The following NREP variants were observed in gnomAD, a reference collection of about 807,000 sequenced individuals.
The protein encoded by NREP is neuronal regeneration related protein.
NREP carries 5 observed loss-of-function variants against 8.6 expected under a neutral mutation model. The ratio of observed to expected loss-of-function variants is 0.58; its 90% confidence interval spans 0.30 to 1.22. The LOEUF (loss-of-function observed/expected upper bound fraction) is 1.22. NREP is among the 50% of genes most tolerant of loss of function. The probability of loss-of-function intolerance (pLI) is 0.07; values close to 1 mark genes in which losing one functional copy is unlikely to be tolerated. For synonymous variants in NREP, 27 were observed against 28.0 expected (o/e 0.96, Z 0.11); for missense variants, 86 against 82.5 (o/e 1.04, Z -0.17).
At position 111,898,604 on chromosome 5, in the gene NREP, T is replaced by C. The variant is rs537463258; in HGVS notation, c.135+76670A>G. 1.8e-4 allele frequency among the ~76,000 whole-genome samples: 27 copies of C among 152,224 alleles called. No homozygotes were observed. The South Asian group carries it at 4.6e-3, about 26-fold the overall frequency. ...CAGGAATTTGGGGATCAGCAAACTT[T>C]TGAGAGTGGAACATGATGGCAGAGT... is the stretch of plus-strand genomic sequence containing the variant. On this transcript the variant is annotated intron_variant, in intron 2 of 3. Transcript: ENST00000395634.
At chr5:111,763,280 G>T (rs1751007058) in intron 2 of NREP, among the ~76,000 whole-genome samples, 1 of 152,102 alleles carries the variant, frequency 6.6e-6, no homozygotes, top group African/African-American at 2.4e-5. Flanking sequence ...ATGAGAGGAG[G>T]AAAAATAGAT....
intron 2 of NREP, among the ~76,000 whole-genome samples, chr5:111,930,147 C>A (rs1755496544): frequency 6.6e-6 from 1 of 152,088 alleles, no homozygotes; most frequent in African/African-American, 2.4e-5. Flanking sequence ...CCCTCAATTG[C>A]CTGAATTATG....
intron 2 of NREP, among the ~76,000 whole-genome samples, chr5:111,788,943 T>C (rs968956631): frequency 2.0e-5 from 3 of 152,224 alleles, no homozygotes; most frequent in African/African-American, 7.2e-5. Context: ...TTCTGCCTAA[T>C]AGTCTTTGAA....
rs1565871 is a variant in NREP at position 111,935,762 on chromosome 5, C to T, written c.135+39512G>A. On this transcript the variant is annotated intron_variant, in intron 2 of 3. Coordinates refer to the NREP transcript ENST00000395634. ...ACATCTTAGAATAGAGGAATACCAT[C>T]CCCTTTCTATCATTTTAATGGTATG... Among the ~76,000 whole-genome samples, 428 of 152,228 alleles carry T rather than the reference C, an allele frequency of 2.8e-3. 15 individuals are homozygous for T. In the East Asian group the frequency reaches 0.064, roughly 23 times the overall value.
At chr5:111,859,365 A>C (rs2112479182) in intron 2 of NREP, among the ~76,000 whole-genome samples, 1 of 152,306 alleles carries the variant, frequency 6.6e-6, no homozygotes, top group East Asian at 1.9e-4. Context: ...AAAGAAAGGG[A>C]AATGATAAAA....
At chr5:111,858,126 A>G (rs559133140) in intron 2 of NREP, among the ~76,000 whole-genome samples, 70 of 152,276 alleles carry the variant, frequency 4.6e-4, no homozygotes, top group Admixed American at 1.1e-3. Context: ...GGAACTTGAT[A>G]GAAATGCTCA....
At chr5:111,937,440 G>A (rs1407860727) in intron 2 of NREP, among the ~76,000 whole-genome samples, 3 of 151,954 alleles carry the variant, frequency 2.0e-5, no homozygotes, top group African/African-American at 4.8e-5. Flanking sequence ...GATTATTCCC[G>A]TTGTATTTTT....
At chr5:111,745,793 G>C (rs17133695) in intron 2 of NREP, among the ~76,000 whole-genome samples, 6,539 of 152,198 alleles carry the variant, frequency 0.043, 211 homozygotes, top group Middle Eastern at 0.12. Flanking sequence ...TCAGACAAGA[G>C]AGGCAGTATA....
At chr5:111,779,607 T>C (rs941304583) in intron 2 of NREP, among the ~76,000 whole-genome samples, 6 of 152,192 alleles carry the variant, frequency 3.9e-5, no homozygotes, top group African/African-American at 1.4e-4. Context: ...AGTGAGGACA[T>C]GACTGTGGAG....
intron 2 of NREP, among the ~76,000 whole-genome samples, chr5:111,948,219 G>T (rs1457233442): frequency 6.6e-6 from 1 of 152,074 alleles, no homozygotes; most frequent in Non-Finnish European, 1.5e-5. Flanking sequence ...TTCCCTGGTG[G>T]AAAGATCAGG....
intron 2 of NREP, among the ~76,000 whole-genome samples, chr5:111,786,797 GTA>G (rs1014714356): frequency 6.6e-5 from 10 of 152,262 alleles, no homozygotes; most frequent in Admixed American, 5.9e-4. Flanking sequence ...TCAGAATTTT[GTA>G]TATTGGGGTA....
chr5:111,781,815 C>A (rs949762189), intron 2 of NREP, among the ~76,000 whole-genome samples: 2 of 152,030 alleles, frequency 1.3e-5, no homozygotes, highest in South Asian at 2.1e-4. Flanking sequence ...CAAAGGCTAT[C>A]GGGGCCAAGG....
intron 2 of NREP, among the ~76,000 whole-genome samples, chr5:111,937,562 T>C (rs907491107): frequency 6.6e-6 from 1 of 152,088 alleles, no homozygotes; most frequent in Non-Finnish European, 1.5e-5. Context: ...TCCCTTCTGA[T>C]AGTGCAACAA....
intron 2 of NREP, among the ~76,000 whole-genome samples, chr5:111,752,754 C>T (rs1001416551): frequency 3.3e-5 from 5 of 152,138 alleles, no homozygotes; most frequent in African/African-American, 9.7e-5. Flanking sequence ...CTCATGCTTA[C>T]GTCACTGTGA....
rs1366106598 is a variant in NREP, at chr5:111,911,188, C to A, written c.135+64086G>T. On this transcript the variant is annotated intron_variant, in intron 2 of 3. Coordinates refer to the NREP transcript ENST00000395634. ...TTCTGGATATCACCCCGGCACCCAG[C>A]AATCTGGATATCACCCCTGTACCCA... Among the ~76,000 whole-genome samples, 9 of 152,044 alleles carry A rather than the reference C, an allele frequency of 5.9e-5. No homozygotes were observed. The East Asian group carries it at 1.5e-3, about 26-fold the overall frequency.
Position 111,925,282 on chromosome 5 carries a change from G to C in NREP, c.135+49992C>G, listed in dbSNP as rs563123092. On this transcript the variant is annotated intron_variant, in intron 2 of 3. Transcript: ENST00000395634. ...TGGACGGAGATGTCTCTCCGTCTCT[G>C]CAGGCAGTCCGACCTCTAGTTGTCC... Among the ~76,000 whole-genome samples the C allele has an allele frequency of 4.4e-4, 67 of 152,280 alleles. 1 individual carries two copies. Among genetic ancestry groups the C allele is most frequent in the Admixed American group, 3.1e-3 (48 of 15,304 alleles).
chr5:111,746,935 G>A (rs1422731700), intron 2 of NREP, among the ~76,000 whole-genome samples: 2 of 152,128 alleles, frequency 1.3e-5, no homozygotes, highest in Non-Finnish European at 2.9e-5. Context: ...GAGTTCCTCT[G>A]ATGCAGAAGG....
At chr5:111,808,456 A>G (rs530689144) in intron 2 of NREP, among the ~76,000 whole-genome samples, 2 of 152,358 alleles carry the variant, frequency 1.3e-5, no homozygotes, top group East Asian at 3.9e-4. Context: ...GAAAAATGTA[A>G]CTAACTTTAT....
intron 2 of NREP, among the ~76,000 whole-genome samples, chr5:111,803,637 T>A (rs1752067944): frequency 6.6e-6 from 1 of 152,202 alleles, no homozygotes; most frequent in Non-Finnish European, 1.5e-5. Context: ...AAATATCTAT[T>A]AATGTTTATT....
Sources: gnomAD v4.1 joint callset for allele counts (sites outside exome capture counted in the v4.1 genomes callset) on GRCh38, gnomAD v4.1.1 for gene constraint, MANE v1.5 for transcripts, NCBI Gene and HGNC (gene_info 2026-07-23, HGNC 2026-07-21) for gene names.